PMP2: variants seen among roughly 807,000 people sequenced by gnomAD.
PMP2 encodes the protein myelin P2 protein.
A neutral mutation model predicts 15.9 loss-of-function variants in PMP2; 11 were observed. The ratio of observed to expected loss-of-function variants is 0.69; its 90% CI spans 0.44 to 1.14. The LOEUF (loss-of-function observed/expected upper bound fraction) is 1.14. Among genes scored for constraint, PMP2 ranks in the 50% most tolerant of loss-of-function variants. The pLI, the probability that PMP2 is intolerant of heterozygous loss-of-function variation, is 0.00. For synonymous variants in PMP2, 55 were observed against 54.1 expected (o/e 1.02, Z -0.07); for missense variants, 151 against 154.0 (o/e 0.98, Z 0.10).
In PMP2 at chr8:81,442,862, T is replaced by C. The variant is rs1372190555; in HGVS notation, c.*536A>G. ...TATAAATTATCCATTTTTACTTAACTGTCTATAAATTTAACTGTCTATAAA... is the reference window on the plus strand; with the variant it reads ...TATAAATTATCCATTTTTACTTAACCGTCTATAAATTTAACTGTCTATAAA... On this transcript the variant is annotated 3_prime_UTR_variant, in exon 4 of 4. Transcript: ENST00000256103. 1 of 152,116 alleles carries C rather than the reference T, an allele frequency of 6.6e-6. No individual in the cohort carries two copies. The highest frequency in any genetic ancestry group is 1.5e-5 in the Non-Finnish European group (1 of 67,950). 9.4% of individuals were successfully genotyped at this position (152,116 alleles called of 1,614,324 possible).
intron 1 of PMP2, among the ~76,000 whole-genome samples, chr8:81,445,380 C>T (rs986095598): frequency 1.3e-5 from 2 of 152,060 alleles, no homozygotes; most frequent in Non-Finnish European, 1.5e-5. Flanking sequence ...GCCGCCACCA[C>T]GCCTGGCTAA....
intron 1 of PMP2, among the ~76,000 whole-genome samples, chr8:81,446,948 T>C (rs752290409): frequency 1.4e-4 from 22 of 152,232 alleles, no homozygotes; most frequent in Admixed American, 1.3e-4. Context: ...TTCCTTATTT[T>C]ATGAACACTT....
In PMP2 at chr8:81,444,798, G is replaced by A. The variant is rs761152262; in HGVS notation, c.246+19C>T. On this transcript the variant is annotated intron_variant, in intron 2 of 3. Coordinates refer to ENST00000256103, the MANE Select transcript of PMP2 (RefSeq NM_002677.5). Reference sequence around the variant, plus strand: ...AGCAGCCCACTGGGCCAACTTTGAAGAGAAACATTAAAGATTACCTTGGTC... The same window carrying A: ...AGCAGCCCACTGGGCCAACTTTGAAAAGAAACATTAAAGATTACCTTGGTC... 5 of 1,610,372 alleles carry A rather than the reference G, an allele frequency of 3.1e-6. No individual in the cohort carries two copies. Among genetic ancestry groups the A allele is most frequent in the Admixed American group, 3.4e-5 (2 of 59,128 alleles).
In PMP2 at chr8:81,442,063, C is replaced by T. The variant is rs1807360205; in HGVS notation, c.*1335G>A. 2 of 152,088 alleles carry T rather than the reference C, an allele frequency of 1.3e-5. No homozygotes were observed. Among genetic ancestry groups the T allele is most frequent in the African/African-American group, 4.8e-5 (2 of 41,444 alleles). 9.4% of individuals were successfully genotyped at this position (152,088 alleles called of 1,614,324 possible). ...ATAAATGCATGTGTATTATCACACACATATATGCATGGAGGCATGTGTATG... is the reference window on the plus strand; with the variant it reads ...ATAAATGCATGTGTATTATCACACATATATATGCATGGAGGCATGTGTATG... On this transcript the variant is annotated 3_prime_UTR_variant, in exon 4 of 4. Coordinates refer to ENST00000256103, the MANE Select transcript of PMP2 (RefSeq NM_002677.5).
chr8:81,442,084 G>T lies in PMP2; in HGVS notation c.*1314C>A, dbSNP rs866500617. On this transcript the variant is annotated 3_prime_UTR_variant, in exon 4 of 4. Transcript: ENST00000256103. ...CACACATATATGCATGGAGGCATGT[G>T]TATGCAATTATAATACATATAAACG... is the stretch of plus-strand genomic sequence containing the variant. The T allele has an allele frequency of 1.3e-4, 20 of 152,064 alleles. No homozygotes were observed. Among genetic ancestry groups the T allele is most frequent in the African/African-American group, 4.8e-4 (20 of 41,420 alleles). The allele number at this position is 152,064 out of a possible 1,614,324, so 9.4% of individuals were successfully genotyped here. A position where few individuals can be genotyped will look rare whatever the true frequency, so the allele number is the denominator to read the frequency against.
In PMP2 at chr8:81,441,372, C is replaced by T. The variant is rs1344733992; in HGVS notation, c.*2026G>A. ...TCCTGCTCCTAAGCGAAATTTCCCC[C>T]TAGCTTTAGCATTGATTGATAATTC... On this transcript the variant is annotated 3_prime_UTR_variant, in exon 4 of 4. Coordinates refer to ENST00000256103, the MANE Select transcript of PMP2 (RefSeq NM_002677.5). 2 of 152,226 alleles carry T rather than the reference C, an allele frequency of 1.3e-5. No homozygotes were observed. Among genetic ancestry groups the T allele is most frequent in the East Asian group, 1.9e-4 (1 of 5,176 alleles). 9.4% of individuals were successfully genotyped at this position (152,226 alleles called of 1,614,324 possible).
At position 81,444,836 on chromosome 8, in the gene PMP2, G is replaced by C. The variant is rs931925345; in HGVS notation, c.227C>G (p.Ala76Gly). 2 of 1,613,706 alleles carry C rather than the reference G, an allele frequency of 1.2e-6. No homozygotes were observed. The highest frequency in any genetic ancestry group is 1.7e-6 in the Non-Finnish European group (2 of 1,179,904). The change falls in exon 2 of 4, where the codon GCT (alanine) becomes GGT (glycine). Residue 76 changes from alanine (A) to glycine (G), a missense_variant. Transcript: ENST00000256103. Reference sequence around the variant, plus strand: ...GATTACCTTGGTCTTTCTATTGTCAGCTGTGGTTTCTTCAAATTCCTGGCC... The same window carrying C: ...GATTACCTTGGTCTTTCTATTGTCACCTGTGGTTTCTTCAAATTCCTGGCC... ...KLGQEFEETT[A>G]DNRKTKSIVT...
chr8:81,444,375 T>C (rs951221408), intron 3 of PMP2, 125 bp downstream of exon 3: 10 of 624,578 alleles, frequency 1.6e-5, no homozygotes, highest in Non-Finnish European at 2.5e-5. Context: ...AAGCATTAAC[T>C]CTTACTTTAT....
chr8:81,440,884 G>T lies in PMP2; in HGVS notation c.*2514C>A, dbSNP rs1364173607. ...TTATTGTGTATTTTCCAAGAATAGGGATTTTTTTTACTTAATCAAAGTATA... is the reference window on the plus strand; with the variant it reads ...TTATTGTGTATTTTCCAAGAATAGGTATTTTTTTTACTTAATCAAAGTATA... On this transcript the variant is annotated 3_prime_UTR_variant, in exon 4 of 4. Coordinates refer to ENST00000256103, the MANE Select transcript of PMP2 (RefSeq NM_002677.5). 6.6e-6 allele frequency: 1 copy of T among 151,754 alleles called. No homozygotes were observed. Among genetic ancestry groups the T allele is most frequent in the Non-Finnish European group, 1.5e-5 (1 of 67,982 alleles). The allele number at this position is 151,754 out of a possible 1,614,324, so 9.4% of individuals were successfully genotyped here.
At chr8:81,444,385 T>C (rs1807406410) in intron 3 of PMP2, 115 bp downstream of exon 3, 1 of 661,476 alleles carries the variant, frequency 1.5e-6, no homozygotes, top group African/African-American at 1.8e-5. Flanking sequence ...TCTTACTTTA[T>C]TCTTAGTCAT....
At chr8:81,444,351 T>G in intron 3 of PMP2, 149 bp downstream of exon 3, 1 of 555,526 alleles carries the variant, frequency 1.8e-6, no homozygotes, top group Non-Finnish European at 3.1e-6. Context: ...TCTGTAATAG[T>G]TTAAATATCA....
chr8:81,443,374 C>A lies in PMP2; in HGVS notation c.*24G>T. 1.3e-6 allele frequency: 2 copies of A among 1,515,430 alleles called. No homozygotes were observed. Among genetic ancestry groups the A allele is most frequent in the Non-Finnish European group, 9.1e-7 (1 of 1,102,868 alleles). 93.9% of individuals were successfully genotyped at this position (1,515,430 alleles called of 1,614,324 possible). A position where few individuals can be genotyped will look rare whatever the true frequency, so the allele number is the denominator to read the frequency against. ...ATTTCCATCATTAAATGATAAAAAGCCACTTCAATGAAGAAATGATTTTTC... is the reference window on the plus strand; with the variant it reads ...ATTTCCATCATTAAATGATAAAAAGACACTTCAATGAAGAAATGATTTTTC... On this transcript the variant is annotated 3_prime_UTR_variant, in exon 4 of 4. Coordinates refer to ENST00000256103, the MANE Select transcript of PMP2 (RefSeq NM_002677.5).
Position 81,444,821 on chromosome 8 carries a change from G to T in PMP2, c.242C>A (p.Thr81Asn), listed in dbSNP as rs1040745489. ...FEETTADNRK[T>N]KSIVTLQRGS... ...AAGAGAAACATTAAAGATTACCTTG[G>T]TCTTTCTATTGTCAGCTGTGGTTTC... is the stretch of plus-strand genomic sequence containing the variant. Residue 81 changes from threonine to asparagine, a missense_variant, in exon 2 of 4, where the codon ACC becomes AAC. By Grantham distance (65) the Thr-to-Asn change is moderately conservative. Coordinates refer to ENST00000256103, the MANE Select transcript of PMP2 (RefSeq NM_002677.5). 3 of 1,612,676 alleles carry T rather than the reference G, an allele frequency of 1.9e-6. No individual in the cohort carries two copies. Among genetic ancestry groups the T allele is most frequent in the African/African-American group, 2.7e-5 (2 of 74,682 alleles).
In PMP2 at chr8:81,443,194, T is replaced by C. The variant is rs896775963; in HGVS notation, c.*204A>G. 4.6e-6 allele frequency: 2 copies of C among 434,768 alleles called. No homozygotes were observed. The highest frequency in any genetic ancestry group is 4.1e-5 in the African/African-American group (2 of 48,994). The allele number at this position is 434,768 out of a possible 1,614,324, so 26.9% of individuals were successfully genotyped here. ...TTGTGTCTGGCCAATATATATGCTT[T>C]GATGTAATAATGACATGCATGCACA... is the stretch of plus-strand genomic sequence containing the variant. On this transcript the variant is annotated 3_prime_UTR_variant, in exon 4 of 4. Coordinates refer to ENST00000256103, the MANE Select transcript of PMP2 (RefSeq NM_002677.5).
chr8:81,441,510 C>T lies in PMP2; in HGVS notation c.*1888G>A, dbSNP rs2129694216. 1 of 149,656 alleles carries T rather than the reference C, an allele frequency of 6.7e-6. No individual in the cohort carries two copies. The highest frequency in any genetic ancestry group is 1.5e-5 in the Non-Finnish European group (1 of 67,384). The allele number at this position is 149,656 out of a possible 1,614,324, so 9.3% of individuals were successfully genotyped here. On this transcript the variant is annotated 3_prime_UTR_variant, in exon 4 of 4. Transcript: ENST00000256103. ...TGACGTTCTATTGCAAAAGAGAAAC[C>T]TTCTCATTTCTCTATCTATCTATCT...
At chr8:81,445,050 G>A (rs1325826656) in intron 1 of PMP2, 61 bp from the exon 2 acceptor site, 2 of 1,433,628 alleles carry the variant, frequency 1.4e-6, no homozygotes, top group Admixed American at 1.8e-5. Flanking sequence ...AAGAGACTGT[G>A]GTGGCCACAT....
chr8:81,443,197 TGTA>T lies in PMP2; in HGVS notation c.*198_*200del. 2.3e-6 allele frequency: 1 copy of T among 436,950 alleles called. No homozygotes were observed. Among genetic ancestry groups the T allele is most frequent in the Non-Finnish European group, 4.0e-6 (1 of 248,818 alleles). 27.1% of individuals were successfully genotyped at this position (436,950 alleles called of 1,614,324 possible). A position where few individuals can be genotyped will look rare whatever the true frequency, so the allele number is the denominator to read the frequency against. On this transcript the variant is annotated 3_prime_UTR_variant, in exon 4 of 4. Transcript: ENST00000256103. ...TGTCTGGCCAATATATATGCTTTGA[TGTA>T]ATAATGACATGCATGCACATTGAAA...
In PMP2 at chr8:81,444,965, AGTTTT is replaced by A; in HGVS notation, c.93_97del (p.Arg31SerfsTer23). On this transcript the variant is annotated frameshift_variant, in exon 2 of 4. Coordinates refer to ENST00000256103, the MANE Select transcript of PMP2 (RefSeq NM_002677.5). LOFTEE classifies it high-confidence loss of function. ...CACAGTGGGTTTGGCCAAATTTCCC[AGTTTT>A]CTGGTGGCTAACCCCACACCTGAAA... 1 of 1,613,586 alleles carries A rather than the reference AGTTTT, an allele frequency of 6.2e-7. No individual in the cohort carries two copies. The highest frequency in any genetic ancestry group is 8.5e-7 in the Non-Finnish European group (1 of 1,179,870).
At chr8:81,445,053 G>A in intron 1 of PMP2, 64 bp from the exon 2 acceptor site, 2 of 1,401,606 alleles carry the variant, frequency 1.4e-6, no homozygotes, top group Non-Finnish European at 2.0e-6. Context: ...AGACTGTGGT[G>A]GCCACATCCT....
Sources: gnomAD v4.1 joint callset for allele counts (sites outside exome capture counted in the v4.1 genomes callset) on GRCh38, gnomAD v4.1.1 for gene constraint, MANE v1.5 for transcripts, NCBI Gene and HGNC (gene_info 2026-07-23, HGNC 2026-07-21) for gene names.